The following LHFPL2 variants were observed in gnomAD, a reference collection of about 807,000 sequenced individuals.
The protein encoded by LHFPL2 is LHFPL tetraspan subfamily member 2.
In LHFPL2, 7 loss-of-function variants were observed where a neutral mutation model predicts 17.5. The observed-to-expected ratio is 0.40, with a 90% CI of 0.23 to 0.75. The LOEUF is 0.75. Among genes scored for constraint, LHFPL2 ranks in the 30% least tolerant of loss-of-function variants. The pLI, the probability that LHFPL2 is intolerant of heterozygous loss-of-function variation, is 0.37. For synonymous variants in LHFPL2, 134 were observed against 116.2 expected (o/e 1.15, Z -0.99); for missense variants, 241 against 294.8 (o/e 0.82, Z 1.34).
At chr5:78,503,266 G>A (rs1454139755) in intron 4 of LHFPL2, among the ~76,000 whole-genome samples, 1 of 152,234 alleles carries the variant, frequency 6.6e-6, no homozygotes, top group Non-Finnish European at 1.5e-5. Context: ...CCATGGCTCT[G>A]TGATAATTTA....
At chr5:78,585,615 G>T (rs979472197) in intron 2 of LHFPL2, among the ~76,000 whole-genome samples, 33 of 152,220 alleles carry the variant, frequency 2.2e-4, no homozygotes, top group Admixed American at 1.6e-3. Context: ...TTCCTATTCA[G>T]CCATCTTGGC....
chr5:78,571,571 C>A (rs1757001018), intron 2 of LHFPL2, among the ~76,000 whole-genome samples: 1 of 152,166 alleles, frequency 6.6e-6, no homozygotes, highest in Non-Finnish European at 1.5e-5. Flanking sequence ...GGGGTGACAT[C>A]CAAAAATGAC....
rs113963328 is a variant in LHFPL2 at position 78,538,294 on chromosome 5, G to T, written c.-186+26519C>A. ...CAATTTCTACTCCTACTTCTCCAAA[G>T]ATTTCAAACTGAAGCCTTATATACA... On this transcript the variant is annotated intron_variant, in intron 3 of 4. Transcript: ENST00000380345. 3.3e-5 allele frequency among the ~76,000 whole-genome samples: 5 copies of T among 152,302 alleles called. No homozygotes were observed. The East Asian group carries it at 9.6e-4, about 29-fold the overall frequency.
At chr5:78,572,935 G>A (rs916689726) in intron 2 of LHFPL2, among the ~76,000 whole-genome samples, 8 of 152,236 alleles carry the variant, frequency 5.3e-5, no homozygotes, top group East Asian at 1.9e-4. Flanking sequence ...TCGCACGCAC[G>A]GTTCACAATA....
chr5:78,590,750 G>C (rs1465829332), intron 2 of LHFPL2, among the ~76,000 whole-genome samples: 1 of 152,168 alleles, frequency 6.6e-6, no homozygotes, highest in African/African-American at 2.4e-5. Flanking sequence ...TATCATCCAT[G>C]CTGGAACATT....
intron 4 of LHFPL2, among the ~76,000 whole-genome samples, chr5:78,496,215 TG>T (rs147252523): frequency 0.011 from 1,670 of 152,324 alleles, 41 homozygotes; most frequent in African/African-American, 0.038. Context: ...AGAAAAGCTT[TG>T]GTATCTCCCA....
chr5:78,527,319 C>T (rs1367591870), intron 3 of LHFPL2, among the ~76,000 whole-genome samples: 3 of 149,668 alleles, frequency 2.0e-5, no homozygotes, highest in Middle Eastern at 3.5e-3. Flanking sequence ...GGAAGCAAGA[C>T]TCTGAAGATC....
chr5:78,636,127 C>A (rs911203503), intron 1 of LHFPL2, among the ~76,000 whole-genome samples: 1 of 152,158 alleles, frequency 6.6e-6, no homozygotes, highest in Non-Finnish European at 1.5e-5. Context: ...CTGAGGCTGC[C>A]GTCTGTGGCC....
intron 2 of LHFPL2, among the ~76,000 whole-genome samples, chr5:78,626,916 A>T (rs1745057419): frequency 6.6e-6 from 1 of 151,902 alleles, no homozygotes; most frequent in African/African-American, 2.4e-5. Context: ...CCCCATCTCT[A>T]CTAAAAATAC....
chr5:78,576,250 G>A (rs1050495933), intron 2 of LHFPL2, among the ~76,000 whole-genome samples: 8 of 151,172 alleles, frequency 5.3e-5, no homozygotes, highest in Admixed American at 3.3e-4. Flanking sequence ...AGCCGAGATC[G>A]CGCCACTGCA....
rs1299857748 is a variant in LHFPL2, at chr5:78,585,046, G to A, written c.-244-20175C>T. On this transcript the variant is annotated intron_variant, in intron 2 of 4. Transcript: ENST00000380345. Reference sequence around the variant, plus strand: ...TTTTGAGACGGAGTCTCGCTCTGTCGCCCAGGCTGGAGTGCAGTGGCGGGA... The same window carrying A: ...TTTTGAGACGGAGTCTCGCTCTGTCACCCAGGCTGGAGTGCAGTGGCGGGA... Among the ~76,000 whole-genome samples the A allele has an allele frequency of 8.3e-5, 6 of 72,218 alleles. No homozygotes were observed. The East Asian group carries it at 1.7e-3, about 20-fold the overall frequency. The allele number at this position is 72,218 out of a possible 152,430, so 47.4% of individuals were successfully genotyped here.
intron 2 of LHFPL2, among the ~76,000 whole-genome samples, chr5:78,570,174 G>C (rs1184603142): frequency 5.3e-5 from 8 of 152,182 alleles, no homozygotes; most frequent in Admixed American, 4.6e-4. Context: ...GCATGACATA[G>C]AGTAGACAAT....
chr5:78,520,313 G>A (rs950716367), intron 3 of LHFPL2, among the ~76,000 whole-genome samples: 3 of 152,126 alleles, frequency 2.0e-5, no homozygotes, highest in Non-Finnish European at 2.9e-5. Context: ...AGGAAAACAC[G>A]GGTCCCGACC....
intron 3 of LHFPL2, among the ~76,000 whole-genome samples, chr5:78,532,945 C>T (rs144587925): frequency 1.3e-5 from 2 of 152,188 alleles, no homozygotes; most frequent in Admixed American, 6.5e-5. Flanking sequence ...AGGGACACAC[C>T]GAGTGAGGCC....
chr5:78,489,863 T>A (rs74535765), intron 4 of LHFPL2, among the ~76,000 whole-genome samples: 3,109 of 151,940 alleles, frequency 0.02, 117 homozygotes, highest in African/African-American at 0.07. Flanking sequence ...AAATCTAAAA[T>A]GTTTACTCTA....
chr5:78,533,025 C>T (rs1001056802), intron 3 of LHFPL2, among the ~76,000 whole-genome samples: 3 of 152,190 alleles, frequency 2.0e-5, no homozygotes. Context: ...CATCTCTTGT[C>T]CTCTCTCCTC....
intron 2 of LHFPL2, 146 bp from the exon 3 acceptor site, chr5:78,565,017 C>T (rs1056164260): frequency 1.3e-5 from 2 of 152,220 alleles, no homozygotes; most frequent in African/African-American, 4.8e-5. Flanking sequence ...TGCATTAGAA[C>T]ACGGCCACTC....
At chr5:78,517,559 A>C (rs1808524) in intron 3 of LHFPL2, among the ~76,000 whole-genome samples, 137,599 of 152,274 alleles carry the variant, frequency 0.9, 62,351 homozygotes, top group African/African-American at 0.95. Context: ...ACAATCATGG[A>C]AGAAGGTGAA....
At chr5:78,642,453 T>C (rs1472743068) in intron 1 of LHFPL2, among the ~76,000 whole-genome samples, 2 of 152,086 alleles carry the variant, frequency 1.3e-5, no homozygotes, top group East Asian at 1.9e-4. Context: ...ATAACATCAG[T>C]ACAAGCCTGG....
Sources: gnomAD v4.1 joint callset for allele counts (sites outside exome capture counted in the v4.1 genomes callset) on GRCh38, gnomAD v4.1.1 for gene constraint, MANE v1.5 for transcripts, NCBI Gene and HGNC (gene_info 2026-07-23, HGNC 2026-07-21) for gene names.